Variants in TOP2B observed in about 807,000 individuals in gnomAD.
The protein encoded by TOP2B is DNA topoisomerase 2-beta.
TOP2B carries 51 observed loss-of-function variants against 193.5 expected under a neutral mutation model. That is an observed-to-expected ratio of 0.26 (90% CI 0.21 to 0.33). The LOEUF (loss-of-function observed/expected upper bound fraction) is 0.33. TOP2B is among the 10% of genes least tolerant of loss of function. The pLI is 1.00. For synonymous variants in TOP2B, 634 were observed against 635.7 expected, an observed-to-expected ratio of 1.00 and a Z score of 0.04; for missense variants, 1,378 against 1,909.3, an observed-to-expected ratio of 0.72 and a Z score of 5.19.
intron 1 of TOP2B, among the ~76,000 whole-genome samples, chr3:25,656,928 A>C (rs1005053710): frequency 5.9e-5 from 9 of 152,264 alleles, no homozygotes; most frequent in African/African-American, 1.9e-4. Flanking sequence ...CTTTTCCTAG[A>C]GGCAATGTTT....
chr3:25,633,999 T>A lies in TOP2B; in HGVS notation c.868A>T (p.Ser290Cys), dbSNP rs1703032394. ...GKKLPVNGFRSYVDLYVKDKL... is the reference protein window; with the variant it reads ...GKKLPVNGFRCYVDLYVKDKL... ...TCTTTCACATAAAGATCTACATAAC[T>A]GCGAAATCCATTTACCTATTAATTT... Residue 290 changes from serine to cysteine, a missense_variant, in exon 8 of 36, where the codon AGT (serine) becomes TGT (cysteine). Ser to Cys is a moderately radical substitution (Grantham distance 112). Transcript: ENST00000264331. The A allele has an allele frequency of 6.2e-7, 1 of 1,603,572 alleles. No individual in the cohort carries two copies.
intron 28 of TOP2B, among the ~76,000 whole-genome samples, chr3:25,612,012 G>A (rs552226085): frequency 1.2e-4 from 18 of 151,420 alleles, no homozygotes; most frequent in Non-Finnish European, 1.8e-4. Flanking sequence ...GCACAATCTC[G>A]GCTCACTGCA....
chr3:25,611,739 T>C (rs1702376413), intron 28 of TOP2B, among the ~76,000 whole-genome samples: 1 of 152,080 alleles, frequency 6.6e-6, no homozygotes, highest in Admixed American at 6.6e-5. Context: ...CAGGATGTGC[T>C]TGGTAGTTTA....
intron 8 of TOP2B, 87 bp downstream of exon 8, chr3:25,633,754 G>T: frequency 8.4e-7 from 1 of 1,194,920 alleles, no homozygotes; most frequent in Non-Finnish European, 1.1e-6. Flanking sequence ...GGTTTTTTGG[G>T]GGTTGTGGAT....
In TOP2B at chr3:25,602,860, A is replaced by G. The variant is rs183140880; in HGVS notation, c.4490-1635T>C. On this transcript the variant is annotated intron_variant, in intron 33 of 35. Transcript: ENST00000264331. Reference sequence around the variant, plus strand: ...AGAATTTAACTTGTGTAACATACGCAATTTGGAGTTAACATAGACAATCCC... The same window carrying G: ...AGAATTTAACTTGTGTAACATACGCGATTTGGAGTTAACATAGACAATCCC... 3.0e-4 allele frequency among the ~76,000 whole-genome samples: 45 copies of G among 152,318 alleles called. 1 individual carries two copies. The highest frequency in any genetic ancestry group is 6.8e-3 in the Middle Eastern group (2 of 294).
chr3:25,634,489 G>T (rs1368590164), intron 7 of TOP2B, among the ~76,000 whole-genome samples: 1 of 152,026 alleles, frequency 6.6e-6, no homozygotes, highest in Admixed American at 6.6e-5. Context: ...CTAAGCTTTT[G>T]CTTACCTGGG....
intron 4 of TOP2B, among the ~76,000 whole-genome samples, chr3:25,641,798 C>G (rs1484015778): frequency 2.0e-5 from 3 of 151,958 alleles, no homozygotes; most frequent in Admixed American, 6.5e-5. Flanking sequence ...CTGGTAAAAA[C>G]AGGATAAATT....
At chr3:25,631,009 C>T in intron 10 of TOP2B, 70 bp from the exon 11 acceptor site, 5 of 1,329,342 alleles carry the variant, frequency 3.8e-6, no homozygotes, top group Non-Finnish European at 5.0e-6. Flanking sequence ...TGTATAGGGC[C>T]TAATGCAAGA....
At chr3:25,622,576 T>C (rs1246836178) in intron 21 of TOP2B, among the ~76,000 whole-genome samples, 1 of 151,882 alleles carries the variant, frequency 6.6e-6, no homozygotes, top group Non-Finnish European at 1.5e-5. Context: ...GACATTTTTC[T>C]TGGAGGAGGT....
At chr3:25,603,625 G>C (rs911021806) in intron 33 of TOP2B, among the ~76,000 whole-genome samples, 2 of 152,166 alleles carry the variant, frequency 1.3e-5, no homozygotes, top group African/African-American at 4.8e-5. Flanking sequence ...CCTAATCCTA[G>C]AGTATGGATT....
In TOP2B at chr3:25,612,587, A is replaced by G. The variant is rs1469937486; in HGVS notation, c.3714T>C (p.Tyr1238=). The change falls in exon 28 of 36, where the codon TAT becomes TAC. Residue 1238 remains tyrosine, a synonymous_variant. Transcript: ENST00000264331. ...LQLEETMPSP[Y]GRRIIPEITA... ...TAATTTCAGGAATTATTCTTCTGCC[A>G]TAAGGTGAGGGCATTGTCTCTTCCA... is the stretch of plus-strand genomic sequence containing the variant. 1.2e-6 allele frequency: 2 copies of G among 1,613,518 alleles called. No homozygotes were observed. The highest frequency in any genetic ancestry group is 1.7e-6 in the Non-Finnish European group (2 of 1,179,808).
rs913543039 is a variant in TOP2B, at chr3:25,664,231, C to A, written c.67G>T (p.Val23Leu). ...VGGGNGALTW[V>L]TLFDQNNAAK... is the part of the protein sequence containing the mutation. Reference sequence around the variant, plus strand: ...CGTCCCGGGGACCAGCCACTTACCACCCAGGTCAGTGCCCCGTTGCCGCCG... The same window carrying A: ...CGTCCCGGGGACCAGCCACTTACCAACCAGGTCAGTGCCCCGTTGCCGCCG... The change falls in exon 1 of 36, where the codon GTG becomes TTG. Residue 23 changes from valine (V) to leucine (L), a missense_variant and splice_region_variant. Physicochemically the swap from Val to Leu is conservative, Grantham distance 32. Coordinates refer to ENST00000264331, the MANE Select transcript of TOP2B (RefSeq NM_001330700.2). The A allele has an allele frequency of 1.9e-6, 3 of 1,539,724 alleles. No homozygotes were observed. Among genetic ancestry groups the A allele is most frequent in the Middle Eastern group, 1.8e-4 (1 of 5,566 alleles).
intron 1 of TOP2B, among the ~76,000 whole-genome samples, chr3:25,650,267 T>C (rs116164983): frequency 0.018 from 2,731 of 152,330 alleles, 37 homozygotes; most frequent in Middle Eastern, 0.044. Flanking sequence ...ACTCTTATAA[T>C]AAGCAGATGT....
At chr3:25,601,310 A>G in intron 33 of TOP2B, 85 bp from the exon 34 acceptor site, 1 of 1,453,362 alleles carries the variant, frequency 6.9e-7, no homozygotes. Context: ...GGAATTTCTT[A>G]TAGCTGATTA....
chr3:25,623,726 A>G lies in TOP2B; in HGVS notation c.2516T>C (p.Phe839Ser). 1 of 1,613,112 alleles carries G rather than the reference A, an allele frequency of 6.2e-7. No homozygotes were observed. Among genetic ancestry groups the G allele is most frequent in the Non-Finnish European group, 8.5e-7 (1 of 1,179,270 alleles). The change falls in exon 21 of 36, where the codon TTT (phenylalanine) becomes TCT (serine). Residue 839 changes from phenylalanine (F) to serine (S), a missense_variant. This residue lies in a region of TOP2B where 379 missense variants were observed against 615.1 expected (regional missense o/e 0.62). Transcript: ENST00000264331. ...TMLSTLARLL[F>S]PAVDDNLLKF... ...AAGGAGGTTGTCATCCACAGCAGGA[A>G]AAAGTAGCCTTGCTAAAGTGCTAAT... is the stretch of plus-strand genomic sequence containing the variant.
intron 4 of TOP2B, among the ~76,000 whole-genome samples, chr3:25,638,873 A>T (rs1703180795): frequency 6.6e-6 from 1 of 152,196 alleles, no homozygotes; most frequent in African/African-American, 2.4e-5. Context: ...AGAATTTTAT[A>T]ACTTTGCTCC....
intron 28 of TOP2B, among the ~76,000 whole-genome samples, chr3:25,610,178 T>G (rs1443953156): frequency 6.7e-6 from 1 of 150,172 alleles, no homozygotes; most frequent in East Asian, 1.9e-4. Flanking sequence ...AGCGAAACTC[T>G]GTCTCAAAAA....
Position 25,609,675 on chromosome 3 carries a change from T to G in TOP2B, c.3824A>C (p.Asp1275Ala), listed in dbSNP as rs370835943. The change falls in exon 29 of 36, where the codon GAT becomes GCT. Residue 1275 changes from aspartate to alanine, a missense_variant. By Grantham distance (126) the Asp-to-Ala change is moderately radical. Around this residue, in one of 9 missense-constraint regions of TOP2B, gnomAD observed 556 missense variants for 584.2 expected, o/e 0.95. Coordinates refer to ENST00000264331, the MANE Select transcript of TOP2B (RefSeq NM_001330700.2). ...LDTAAVKVEFDEEFSGAPVEG... is the reference protein window; with the variant it reads ...LDTAAVKVEFAEEFSGAPVEG... ...TACTGGTGCTCCACTGAATTCTTCA[T>G]CAAATTCCACTTTTACTGCTGCAGT... 1 of 1,523,632 alleles carries G rather than the reference T, an allele frequency of 6.6e-7. No individual in the cohort carries two copies. The highest frequency in any genetic ancestry group is 2.4e-5 in the East Asian group (1 of 41,990). The allele number at this position is 1,523,632 out of a possible 1,614,324, so 94.4% of individuals were successfully genotyped here.
intron 33 of TOP2B, among the ~76,000 whole-genome samples, chr3:25,604,042 C>T (rs1702175473): frequency 6.6e-6 from 1 of 152,216 alleles, no homozygotes; most frequent in Non-Finnish European, 1.5e-5. Flanking sequence ...TATGGTTCTA[C>T]TGCATTCAGA....
Sources: allele counts gnomAD v4.1 joint callset (sites outside exome capture counted in the v4.1 genomes callset), GRCh38; gene constraint gnomAD v4.1.1; regional missense constraint gnomAD v4.1.1; transcripts MANE v1.5; gene names NCBI Gene and HGNC (gene_info 2026-07-23, HGNC 2026-07-21).